Variants in ATE1 observed in about 807,000 individuals in gnomAD.
ATE1 encodes the protein arginyl-tRNA--protein transferase 1.
ATE1 carries 36 observed loss-of-function variants against 70.5 expected under a neutral mutation model. The ratio of observed to expected loss-of-function variants is 0.51; its 90% confidence interval spans 0.39 to 0.67. ATE1 has a LOEUF of 0.67. ATE1 is among the 30% of genes least tolerant of loss of function. The pLI, the probability that ATE1 is intolerant of heterozygous loss-of-function variation, is 0.00. For synonymous variants in ATE1, 232 were observed against 219.3 expected (o/e 1.06, Z -0.51); for missense variants, 593 against 629.5 (o/e 0.94, Z 0.62).
At chr10:121,898,272 G>A (rs1198573630) in intron 7 of ATE1, among the ~76,000 whole-genome samples, 14 of 152,044 alleles carry the variant, frequency 9.2e-5, no homozygotes, top group Middle Eastern at 3.2e-3. Flanking sequence ...AAACGATTCC[G>A]TTTTTCACTT....
intron 10 of ATE1, among the ~76,000 whole-genome samples, chr10:121,829,453 A>AG (rs1048023298): frequency 6.6e-6 from 1 of 151,060 alleles, no homozygotes; most frequent in East Asian, 2.0e-4. Context: ...GGAAAGAAAA[A>AG]AAAAATCGCT....
intron 11 of ATE1, among the ~76,000 whole-genome samples, chr10:121,763,639 T>C (rs942353226): frequency 6.6e-6 from 1 of 152,192 alleles, no homozygotes; most frequent in African/African-American, 2.4e-5. Flanking sequence ...AGGAGACTTC[T>C]AGGCCCATGA....
At position 121,841,248 on chromosome 10, in the gene ATE1, T is replaced by C. The variant is rs1391079701; in HGVS notation, c.991A>G (p.Asn331Asp). 5.3e-6 allele frequency: 8 copies of C among 1,518,608 alleles called. No homozygotes were observed. The South Asian group carries it at 1.1e-4, about 21-fold the overall frequency. The allele number at this position is 1,518,608 out of a possible 1,614,324, so 94.1% of individuals were successfully genotyped here. ...GAGCCATAGCCACAATCTGGCCCAT[T>C]AGGGGGAGTCTCTGCCTAAGAAAAA... The part of the protein sequence containing the change: ...SSPLEAETPP[N>D]GPDCGYGSFH... Residue 331 changes from asparagine to aspartate, a missense_variant, in exon 9 of 12, where the codon AAT becomes GAT. Around this residue, in one of 3 missense-constraint regions of ATE1, gnomAD observed 467 missense variants for 469.6 expected, o/e 0.99. Transcript: ENST00000224652.
intron 7 of ATE1, among the ~76,000 whole-genome samples, chr10:121,884,980 G>A (rs542309799): frequency 6.6e-6 from 1 of 152,186 alleles, no homozygotes; most frequent in Admixed American, 6.5e-5. Context: ...TGTGCTTTAG[G>A]CCAGGCACAG....
chr10:121,902,416 G>A lies in ATE1; in HGVS notation c.788C>T (p.Pro263Leu). ...SLEDLIFESL[P>L]ENASHKLEVR... The stretch of plus-strand genomic sequence containing the variant: ...CTCTAACTTGTGTGATGCATTCTCT[G>A]GTAAAGACTCAAAAATTAAATCTTC... The change falls in exon 6 of 12, where the codon CCA becomes CTA. Residue 263 changes from proline (P) to leucine (L), a missense_variant. Physicochemically the swap from Pro to Leu is moderately conservative, Grantham distance 98 (BLOSUM62 -3). Around this residue, in one of 3 missense-constraint regions of ATE1, gnomAD observed 467 missense variants for 469.6 expected, o/e 0.99. Coordinates refer to ENST00000224652, the MANE Select transcript of ATE1 (RefSeq NM_001001976.3). The A allele has an allele frequency of 6.2e-7, 1 of 1,614,024 alleles. No individual in the cohort carries two copies. Among genetic ancestry groups the A allele is most frequent in the African/African-American group, 1.3e-5 (1 of 75,006 alleles).
intron 10 of ATE1, among the ~76,000 whole-genome samples, chr10:121,821,096 C>T (rs1170002006): frequency 6.6e-6 from 1 of 152,208 alleles, no homozygotes; most frequent in Admixed American, 6.5e-5. Flanking sequence ...CGCCCACCAC[C>T]ACGCCTGGCT....
intron 8 of ATE1, among the ~76,000 whole-genome samples, chr10:121,862,439 C>T (rs1363749617): frequency 6.6e-6 from 1 of 151,942 alleles, no homozygotes; most frequent in African/African-American, 2.4e-5. Flanking sequence ...TTACTGCAGC[C>T]TTGAACTCCT....
chr10:121,811,296 G>A (rs1238725171), intron 10 of ATE1, among the ~76,000 whole-genome samples: 3 of 151,880 alleles, frequency 2.0e-5, no homozygotes, highest in Non-Finnish European at 2.9e-5. Flanking sequence ...GGGGAGAAAA[G>A]AGGGAGAAAA....
At chr10:121,901,848 G>A (rs548432177) in intron 6 of ATE1, among the ~76,000 whole-genome samples, 161 of 152,268 alleles carry the variant, frequency 1.1e-3, no homozygotes, top group Non-Finnish European at 1.9e-3. Flanking sequence ...GGAGGAATTT[G>A]GCTCTAAAAG....
At chr10:121,837,579 T>C (rs1314408742) in intron 9 of ATE1, among the ~76,000 whole-genome samples, 1 of 152,214 alleles carries the variant, frequency 6.6e-6, no homozygotes, top group Non-Finnish European at 1.5e-5. Flanking sequence ...TTATGTTTGT[T>C]TCTTGAAGGT....
At chr10:121,924,410 GGA>G in intron 1 of ATE1, 81 bp from the exon 2 acceptor site, 1 of 1,382,370 alleles carries the variant, frequency 7.2e-7, no homozygotes, top group Non-Finnish European at 1.0e-6. Context: ...TTTAAAAATA[GGA>G]GTGTGTGTCC....
intron 11 of ATE1, among the ~76,000 whole-genome samples, chr10:121,778,746 C>T (rs561228814): frequency 3.9e-5 from 6 of 151,978 alleles, no homozygotes; most frequent in South Asian, 2.1e-4. Flanking sequence ...GGATTACAGA[C>T]GCACACCACC....
At position 121,927,846 on chromosome 10, in the gene ATE1, T is replaced by C. The variant is rs759747312; in HGVS notation, c.104A>G (p.Asn35Ser). 17 of 1,571,174 alleles carry C rather than the reference T, an allele frequency of 1.1e-5. No homozygotes were observed. The highest frequency in any genetic ancestry group is 3.6e-5 in the Admixed American group (2 of 55,786). Residue 35 changes from asparagine (N) to serine (S), a missense_variant and splice_region_variant, in exon 1 of 12, where the codon AAT becomes AGT. Physicochemically the swap from Asn to Ser is conservative, Grantham distance 46 (BLOSUM62 1). Transcript: ENST00000224652. ...YCKNESGSRS[N>S]GMWAHSMTVQ... ...GCCCGCCGGCCCGGCTCGCTCACCA[T>C]TGGAGCGGCTGCCCGACTCGTTCTT...
chr10:121,896,391 T>G (rs1055097958), intron 7 of ATE1, among the ~76,000 whole-genome samples: 1 of 152,216 alleles, frequency 6.6e-6, no homozygotes, highest in South Asian at 2.1e-4. Flanking sequence ...TATGGAGAGA[T>G]AGATTAAACA....
chr10:121,842,470 A>AT (rs1311767230), intron 8 of ATE1, among the ~76,000 whole-genome samples: 2 of 152,252 alleles, frequency 1.3e-5, no homozygotes, highest in Admixed American at 6.5e-5. Flanking sequence ...CTAGAAGAGA[A>AT]TAAAAAAAAA....
intron 7 of ATE1, among the ~76,000 whole-genome samples, chr10:121,872,431 C>A (rs571475296): frequency 6.6e-6 from 1 of 152,288 alleles, no homozygotes; most frequent in East Asian, 1.9e-4. Context: ...TCACAAGACA[C>A]ACATTGACAC....
At chr10:121,792,554 G>A (rs573739986) in intron 10 of ATE1, among the ~76,000 whole-genome samples, 101 of 152,146 alleles carry the variant, frequency 6.6e-4, no homozygotes, top group Non-Finnish European at 1.2e-3. Context: ...GTCTACAGAC[G>A]CATCTAATAA....
At chr10:121,821,563 A>G (rs1296591652) in intron 10 of ATE1, among the ~76,000 whole-genome samples, 1 of 152,184 alleles carries the variant, frequency 6.6e-6, no homozygotes, top group Non-Finnish European at 1.5e-5. Context: ...CAACATTGAC[A>G]ATCAACTACA....
Position 121,762,252 on chromosome 10 carries a change from A to G in ATE1, c.1379-18394T>C, listed in dbSNP as rs1375418912. 2.6e-5 allele frequency among the ~76,000 whole-genome samples: 4 copies of G among 152,058 alleles called. No homozygotes were observed. The East Asian group carries it at 5.8e-4, about 22-fold the overall frequency. On this transcript the variant is annotated intron_variant, in intron 11 of 11. Transcript: ENST00000224652. ...TGACTGACTTCTCCCTTCTTTACCTATTAAATGTTGGAAGCTACGTAGTGT... is the reference window on the plus strand; with the variant it reads ...TGACTGACTTCTCCCTTCTTTACCTGTTAAATGTTGGAAGCTACGTAGTGT...
Sources: gnomAD v4.1 joint callset for allele counts (sites outside exome capture counted in the v4.1 genomes callset) on GRCh38, gnomAD v4.1.1 for gene constraint, gnomAD v4.1.1 regional missense constraint, MANE v1.5 for transcripts, NCBI Gene and HGNC (gene_info 2026-07-23, HGNC 2026-07-21) for gene names.